SAP130: variants seen among roughly 807,000 people sequenced by gnomAD.
SAP130 encodes Sin3A associated protein 130, also known as histone deacetylase complex subunit SAP130.
A neutral mutation model predicts 103.2 loss-of-function variants in SAP130; 16 were observed. That is an observed-to-expected ratio of 0.16 (90% CI 0.10 to 0.24). The LOEUF (loss-of-function observed/expected upper bound fraction) is 0.24. SAP130 is among the 10% of genes least tolerant of loss of function. The pLI, the probability that SAP130 is intolerant of heterozygous loss-of-function variation, is 1.00. For synonymous variants in SAP130, 477 were observed against 497.0 expected (o/e 0.96, Z 0.53); for missense variants, 990 against 1,359.7 (o/e 0.73, Z 4.28).
intron 7 of SAP130, among the ~76,000 whole-genome samples, chr2:128,008,467 A>G (rs1684129864): frequency 6.6e-6 from 1 of 151,220 alleles, no homozygotes; most frequent in Non-Finnish European, 1.5e-5. Flanking sequence ...CTGTGGTCAC[A>G]TGATCCTCCC....
In SAP130 at chr2:127,995,545, T is replaced by C. The variant is rs181098177; in HGVS notation, c.1355+805A>G. On this transcript the variant is annotated intron_variant, in intron 11 of 20. Coordinates refer to ENST00000643581, the MANE Select transcript of SAP130 (RefSeq NM_001330301.2). ...AAATGGGGGTGGATAAGAGAAAGTT[T>C]CTTTACGTCAGAATGCCAGCTAATA... is the stretch of plus-strand genomic sequence containing the variant. Among the ~76,000 whole-genome samples, 694 of 152,326 alleles carry C rather than the reference T, an allele frequency of 4.6e-3. 6 individuals carry two copies. Among genetic ancestry groups the C allele is most frequent in the African/African-American group, 0.016 (652 of 41,574 alleles).
chr2:127,992,267 C>T (rs567667217), intron 12 of SAP130, among the ~76,000 whole-genome samples: 23 of 146,346 alleles, frequency 1.6e-4, no homozygotes, highest in Admixed American at 8.8e-4. Context: ...CCACAGCGCC[C>T]GGCCCCAGGC....
chr2:127,978,618 T>C (rs1421737739), intron 14 of SAP130, among the ~76,000 whole-genome samples: 1 of 152,182 alleles, frequency 6.6e-6, no homozygotes, highest in Non-Finnish European at 1.5e-5. Context: ...TTGACATGTT[T>C]AGTTTTGACA....
chr2:128,005,322 T>C (rs1442246954), intron 7 of SAP130, among the ~76,000 whole-genome samples: 1 of 152,060 alleles, frequency 6.6e-6, no homozygotes, highest in Non-Finnish European at 1.5e-5. Flanking sequence ...AAAAATTACA[T>C]AGGAGTGCAA....
At chr2:127,947,655 A>G (rs2104705430) in intron 18 of SAP130, among the ~76,000 whole-genome samples, 1 of 152,306 alleles carries the variant, frequency 6.6e-6, no homozygotes, top group Non-Finnish European at 1.5e-5. Flanking sequence ...CTGTGTCTCT[A>G]GCAATTTTCT....
intron 2 of SAP130, among the ~76,000 whole-genome samples, chr2:128,018,679 C>T (rs1684951929): frequency 6.6e-6 from 1 of 151,622 alleles, no homozygotes; most frequent in East Asian, 1.9e-4. Context: ...GTAATCCCAG[C>T]TATATTGGAG....
In SAP130 at chr2:127,978,175, T is replaced by C. The variant is rs114949975; in HGVS notation, c.1959-86A>G. On this transcript the variant is annotated intron_variant, in intron 14 of 20. Transcript: ENST00000643581. ...ATACAGGATGCACATTTGCCAGGCA[T>C]ACCTAGGACAAAATAAAGCCCTACA... is the stretch of plus-strand genomic sequence containing the variant. The C allele has an allele frequency of 1.2e-3, 1,086 of 939,450 alleles. 10 individuals are homozygous for C. The African/African-American group carries it at 0.016, about 13-fold the overall frequency. The allele number at this position is 939,450 out of a possible 1,614,324, so 58.2% of individuals were successfully genotyped here.
rs1305201121 is a variant in SAP130 at position 127,996,508 on chromosome 2, C to T, written c.1214-17G>A. On this transcript the variant is annotated splice_polypyrimidine_tract_variant and intron_variant, in intron 10 of 20. Transcript: ENST00000643581. This position sits in a 1 kb window ranked among gnomAD's most constrained non-coding sequence, Gnocchi z 4.3. ...CCACCTTGGCTGCAAACAGTAAATG[C>T]CAATTCCATGACCATTCTACACTTT... The T allele has an allele frequency of 6.6e-7, 1 of 1,516,766 alleles. No individual in the cohort carries two copies. The highest frequency in any genetic ancestry group is 1.3e-5 in the South Asian group (1 of 78,890). 94.0% of individuals were successfully genotyped at this position (1,516,766 alleles called of 1,614,324 possible). A position where few individuals can be genotyped will look rare whatever the true frequency, so the allele number is the denominator to read the frequency against.
At position 127,989,584 on chromosome 2, in the gene SAP130, T is replaced by C. The variant is rs1339803485; in HGVS notation, c.1760A>G (p.Gln587Arg). 3 of 1,610,814 alleles carry C rather than the reference T, an allele frequency of 1.9e-6. No homozygotes were observed. In the African/African-American group the frequency reaches 4.0e-5, roughly 22 times the overall value. The change falls in exon 13 of 21, where the codon CAG (glutamine) becomes CGG (arginine). Residue 587 changes from glutamine (Q) to arginine (R), a missense_variant. Physicochemically the swap from Gln to Arg is conservative, Grantham distance 43. Transcript: ENST00000643581. This position sits in a 1 kb window ranked among gnomAD's most constrained non-coding sequence, Gnocchi z 4.6. ...QPAPMGTQQP[Q>R]PEGKTSAVVL... ...ATTACCTGAAGTCTTTCCTTCAGGC[T>C]GAGGCTGCTGAGTACCCATAGGTGC...
intron 2 of SAP130, among the ~76,000 whole-genome samples, chr2:128,024,955 T>C (rs1462229510): frequency 2.0e-5 from 3 of 147,340 alleles, no homozygotes; most frequent in African/African-American, 7.7e-5. Context: ...TGAGCTGTGA[T>C]TATGCCACTG....
intron 10 of SAP130, among the ~76,000 whole-genome samples, chr2:127,999,334 G>A (rs575119536): frequency 2.0e-5 from 3 of 152,256 alleles, no homozygotes; most frequent in African/African-American, 4.8e-5. Flanking sequence ...TATCTCAGCT[G>A]AGTGCGGTGG....
At chr2:127,960,579 T>C (rs899045860) in intron 15 of SAP130, among the ~76,000 whole-genome samples, 5 of 152,244 alleles carry the variant, frequency 3.3e-5, no homozygotes, top group African/African-American at 7.2e-5. Context: ...TTGACAGCTA[T>C]TGGATTTCCT....
chr2:127,983,488 C>T (rs1348221747), intron 14 of SAP130, among the ~76,000 whole-genome samples: 8 of 152,094 alleles, frequency 5.3e-5, no homozygotes, highest in Non-Finnish European at 1.0e-4. Flanking sequence ...GGCTGAGTGA[C>T]AGTAGGGATG....
chr2:128,015,932 T>C (rs1335931715), intron 4 of SAP130, among the ~76,000 whole-genome samples: 1 of 140,330 alleles, frequency 7.1e-6, no homozygotes, highest in Non-Finnish European at 1.5e-5. Context: ...CACCGTGAGA[T>C]TCTGTCTCAA....
intron 15 of SAP130, among the ~76,000 whole-genome samples, chr2:127,967,709 T>G (rs1316664805): frequency 6.6e-6 from 1 of 152,148 alleles, no homozygotes; most frequent in Non-Finnish European, 1.5e-5. Flanking sequence ...GCTGGAGATT[T>G]CAATAACCCC....
Position 127,971,777 on chromosome 2 carries a change from T to C in SAP130, c.2063+6208A>G, listed in dbSNP as rs114511897. On this transcript the variant is annotated intron_variant, in intron 15 of 20. Coordinates refer to ENST00000643581, the MANE Select transcript of SAP130 (RefSeq NM_001330301.2). The stretch of plus-strand genomic sequence containing the variant: ...TTGTGTTTTTCTTCATAGAGGTGGT[T>C]ATTTTGTTATGTTATTTAAATTCAT... Among the ~76,000 whole-genome samples the C allele has an allele frequency of 4.5e-3, 690 of 152,358 alleles. 6 individuals are homozygous for C. The highest frequency in any genetic ancestry group is 0.016 in the African/African-American group (648 of 41,580).
intron 2 of SAP130, among the ~76,000 whole-genome samples, chr2:128,021,849 C>T (rs577041689): frequency 6.6e-6 from 1 of 152,298 alleles, no homozygotes; most frequent in East Asian, 1.9e-4. Flanking sequence ...ATTAGCATTT[C>T]CATGATGACT....
At chr2:127,971,962 G>C (rs1339171003) in intron 15 of SAP130, among the ~76,000 whole-genome samples, 3 of 152,116 alleles carry the variant, frequency 2.0e-5, no homozygotes, top group Non-Finnish European at 2.9e-5. Flanking sequence ...GAATGGAGTT[G>C]GCTATTTCTA....
At chr2:128,027,119 G>A (rs1430750400) in intron 1 of SAP130, 5 of 1,404,670 alleles carry the variant, frequency 3.6e-6, no homozygotes, top group Non-Finnish European at 4.7e-6. Context: ...CGCCCGCACC[G>A]CCCGCTTCTA....
Sources: allele counts gnomAD v4.1 joint callset (sites outside exome capture counted in the v4.1 genomes callset), GRCh38; gene constraint gnomAD v4.1.1; non-coding constraint Gnocchi (gnomAD v3.1); transcripts MANE v1.5; gene names NCBI Gene and HGNC (gene_info 2026-07-23, HGNC 2026-07-21).